The following CTIF variants were observed in gnomAD, a reference collection of about 807,000 sequenced individuals.
The protein encoded by CTIF is CBP80/20-dependent translation initiation factor.
Under a neutral mutation model 66.0 loss-of-function variants are expected in CTIF, and 21 were observed. The observed-to-expected ratio is 0.32, with a 90% CI of 0.23 to 0.46. The LOEUF (loss-of-function observed/expected upper bound fraction) is 0.46, where lower values mean the gene tolerates loss of function less well. Among genes scored for constraint, CTIF ranks in the 20% least tolerant of loss-of-function variants. CTIF has a pLI of 1.00. For synonymous variants in CTIF, 345 were observed against 326.4 expected, an observed-to-expected ratio of 1.06 and a Z score of -0.62; for missense variants, 739 against 812.7, an observed-to-expected ratio of 0.91 and a Z score of 1.10.
intron 1 of CTIF, among the ~76,000 whole-genome samples, chr18:48,605,058 G>C (rs974719209): frequency 6.6e-6 from 1 of 151,668 alleles, no homozygotes; most frequent in Non-Finnish European, 1.5e-5. Context: ...TTACCTTTTG[G>C]CTATTATTAA....
At chr18:48,774,020 T>C (rs1366266541) in intron 9 of CTIF, among the ~76,000 whole-genome samples, 1 of 152,066 alleles carries the variant, frequency 6.6e-6, no homozygotes, top group Non-Finnish European at 1.5e-5. Flanking sequence ...GCAGGCCCCC[T>C]TACGGAGACA....
intron 1 of CTIF, among the ~76,000 whole-genome samples, chr18:48,591,790 C>T (rs1365835410): frequency 6.6e-6 from 1 of 152,220 alleles, no homozygotes; most frequent in African/African-American, 2.4e-5. Flanking sequence ...CTCTGTGGCC[C>T]AGGCTGGGGT....
chr18:48,773,527 C>G (rs1279609011), intron 9 of CTIF, among the ~76,000 whole-genome samples: 1 of 152,246 alleles, frequency 6.6e-6, no homozygotes, highest in African/African-American at 2.4e-5. Context: ...GAACTGTGCT[C>G]CCCTAGCGCT....
At chr18:48,812,405 C>T (rs2068276903) in intron 9 of CTIF, among the ~76,000 whole-genome samples, 1 of 152,210 alleles carries the variant, frequency 6.6e-6, no homozygotes, top group Admixed American at 6.5e-5. Context: ...CCTTCAAACT[C>T]ATGAAGACGT....
intron 9 of CTIF, among the ~76,000 whole-genome samples, chr18:48,805,662 C>T (rs1004011330): frequency 6.6e-6 from 1 of 152,192 alleles, no homozygotes; most frequent in Non-Finnish European, 1.5e-5. Context: ...AAAAGTGAAA[C>T]AAATGTCATG....
At chr18:48,732,818 G>A (rs956050336) in intron 7 of CTIF, among the ~76,000 whole-genome samples, 2 of 152,238 alleles carry the variant, frequency 1.3e-5, no homozygotes, top group African/African-American at 4.8e-5. Context: ...ATCCCAGCCA[G>A]GGTCTCCAAT....
At chr18:48,587,417 T>G (rs2089796437) in intron 1 of CTIF, among the ~76,000 whole-genome samples, 1 of 151,780 alleles carries the variant, frequency 6.6e-6, no homozygotes, top group South Asian at 2.1e-4. Context: ...TCCAAGCCAT[T>G]GAGGGTACAA....
chr18:48,813,953 T>C (rs544049772), intron 9 of CTIF, among the ~76,000 whole-genome samples: 1 of 152,312 alleles, frequency 6.6e-6, no homozygotes, highest in African/African-American at 2.4e-5. Context: ...TTGCTAGTAC[T>C]GACAGATACT....
intron 3 of CTIF, among the ~76,000 whole-genome samples, chr18:48,640,641 T>G (rs2090910765): frequency 6.6e-6 from 1 of 152,152 alleles, no homozygotes. Flanking sequence ...TGGCTGCACA[T>G]GTCCAGGAAG....
intron 9 of CTIF, among the ~76,000 whole-genome samples, chr18:48,804,033 T>G (rs2068096012): frequency 6.6e-6 from 1 of 152,170 alleles, no homozygotes; most frequent in Non-Finnish European, 1.5e-5. Flanking sequence ...GTGTGCCTCT[T>G]CAGCTAGTCT....
chr18:48,647,972 T>C (rs79348552), intron 3 of CTIF, among the ~76,000 whole-genome samples: 2,102 of 152,220 alleles, frequency 0.014, 49 homozygotes, highest in African/African-American at 0.049. Flanking sequence ...ATGGGGGGTG[T>C]TGATTTTCCC....
At chr18:48,683,307 A>G (rs1352950498) in intron 6 of CTIF, among the ~76,000 whole-genome samples, 1 of 151,344 alleles carries the variant, frequency 6.6e-6, no homozygotes, top group Non-Finnish European at 1.5e-5. Context: ...CCAGAAAACA[A>G]TTTTGGACTC....
intron 1 of CTIF, among the ~76,000 whole-genome samples, chr18:48,593,518 A>G (rs1430602436): frequency 6.6e-6 from 1 of 151,156 alleles, no homozygotes; most frequent in East Asian, 2.0e-4. Context: ...AGTAGCTGGG[A>G]CTACAGGCGC....
In CTIF at chr18:48,751,544, C is replaced by T. The variant is rs550372354; in HGVS notation, c.585-6375C>T. ...AGATAGAGAGAAGGTTCTGCCTCAT[C>T]TGAAGGAAGTGGATGCTTTGGGAGC... On this transcript the variant is annotated intron_variant, in intron 7 of 11. Coordinates refer to ENST00000256413, the MANE Select transcript of CTIF (RefSeq NM_014772.3). Among the ~76,000 whole-genome samples, 38 of 152,346 alleles carry T rather than the reference C, an allele frequency of 2.5e-4. 1 individual carries two copies. In the South Asian group the frequency reaches 7.0e-3, roughly 28 times the overall value.
At chr18:48,615,032 C>T (rs535611852) in intron 1 of CTIF, among the ~76,000 whole-genome samples, 2 of 152,278 alleles carry the variant, frequency 1.3e-5, no homozygotes, top group South Asian at 2.1e-4. Flanking sequence ...TCCTGAGTAG[C>T]TGAGCATGTG....
chr18:48,609,084 T>C (rs1308729005), intron 1 of CTIF, among the ~76,000 whole-genome samples: 1 of 152,218 alleles, frequency 6.6e-6, no homozygotes, highest in Non-Finnish European at 1.5e-5. Context: ...GGCTCACCCA[T>C]CTACCTTCAG....
chr18:48,700,559 C>A (rs1330745948), intron 6 of CTIF, among the ~76,000 whole-genome samples: 2 of 152,216 alleles, frequency 1.3e-5, no homozygotes, highest in African/African-American at 4.8e-5. Context: ...TCCCTGCTAC[C>A]CACAGATGCC....
intron 1 of CTIF, among the ~76,000 whole-genome samples, chr18:48,581,730 C>T (rs1461875794): frequency 1.3e-5 from 2 of 152,180 alleles, no homozygotes; most frequent in Non-Finnish European, 2.9e-5. Context: ...AGTATCTGTC[C>T]TGCAAGAGCT....
chr18:48,847,265 G>A (rs759878032), intron 10 of CTIF, among the ~76,000 whole-genome samples: 21 of 144,258 alleles, frequency 1.5e-4, no homozygotes, highest in African/African-American at 5.0e-4. Context: ...CCGAGATCAC[G>A]CTACTGCATT....
Sources: allele counts gnomAD v4.1 joint callset (sites outside exome capture counted in the v4.1 genomes callset), GRCh38; gene constraint gnomAD v4.1.1; transcripts MANE v1.5; gene names NCBI Gene and HGNC (gene_info 2026-07-23, HGNC 2026-07-21).